MTUS1: variants seen among roughly 807,000 people sequenced by gnomAD.
The protein encoded by MTUS1 is microtubule associated scaffold protein 1.
MTUS1 carries 109 observed loss-of-function variants against 120.8 expected under a neutral mutation model. The ratio of observed to expected loss-of-function variants is 0.90; its 90% CI spans 0.77 to 1.06. MTUS1 has a LOEUF of 1.06. MTUS1 is among the 50% of genes least tolerant of loss of function. The probability of loss-of-function intolerance (pLI) is 0.00; values close to 1 mark genes in which losing one functional copy is unlikely to be tolerated. For missense variants in MTUS1, 2,210 were observed against 1,486.3 expected, an observed-to-expected ratio of 1.49 and a Z score of -8.01; for synonymous variants, 737 against 550.5, an observed-to-expected ratio of 1.34 and a Z score of -4.74.
chr8:17,659,574 G>A (rs1329742719), intron 8 of MTUS1, among the ~76,000 whole-genome samples: 3 of 151,980 alleles, frequency 2.0e-5, no homozygotes, highest in Admixed American at 1.3e-4. Context: ...TGTGCCTGTA[G>A]TCCCAGCTAC....
In MTUS1 at chr8:17,707,185, G is replaced by T. The variant is rs568109536; in HGVS notation, c.2623+6029C>A. Among the ~76,000 whole-genome samples the T allele has an allele frequency of 1.4e-4, 22 of 152,270 alleles. No homozygotes were observed. In the South Asian group the frequency reaches 4.6e-3, roughly 32 times the overall value. On this transcript the variant is annotated intron_variant, in intron 6 of 14. Transcript: ENST00000693296. ...ATGAAAAAAGTCAAGGTGATTTTCA[G>T]TCACAGAATATCACAGTAGGGAGAA...
intron 8 of MTUS1, among the ~76,000 whole-genome samples, chr8:17,659,697 A>T (rs1809256099): frequency 6.6e-6 from 1 of 152,152 alleles, no homozygotes; most frequent in African/African-American, 2.4e-5. Flanking sequence ...ACTTCATCTC[A>T]AAAACAAAAA....
chr8:17,650,768 C>T (rs1034374436), intron 12 of MTUS1, among the ~76,000 whole-genome samples: 1 of 152,214 alleles, frequency 6.6e-6, no homozygotes, highest in Non-Finnish European at 1.5e-5. Context: ...TGAGAGCACA[C>T]CATCAGTGTG....
chr8:17,654,766 T>C, intron 9 of MTUS1, 100 bp from the exon 10 acceptor site: 1 of 789,042 alleles, frequency 1.3e-6, no homozygotes, highest in Non-Finnish European at 2.2e-6. Context: ...GCTTCACAGG[T>C]AAGCGTGGGC....
At chr8:17,687,913 C>G (rs967701730) in intron 6 of MTUS1, among the ~76,000 whole-genome samples, 4 of 152,168 alleles carry the variant, frequency 2.6e-5, no homozygotes, top group African/African-American at 9.6e-5. Flanking sequence ...TTCTCAGGCT[C>G]AAATCACTTA....
intron 1 of MTUS1, among the ~76,000 whole-genome samples, chr8:17,779,579 ACTCT>A (rs1042347299): frequency 4.0e-5 from 6 of 151,714 alleles, no homozygotes; most frequent in Middle Eastern, 3.2e-3. Flanking sequence ...ACACTCACTC[ACTCT>A]CTCTCTCACC....
At chr8:17,799,973 C>G (rs185405727) in intron 1 of MTUS1, among the ~76,000 whole-genome samples, 2 of 152,168 alleles carry the variant, frequency 1.3e-5, no homozygotes, top group Admixed American at 1.3e-4. Flanking sequence ...ACTTTCTACA[C>G]TGTAAAGCAC....
intron 2 of MTUS1, among the ~76,000 whole-genome samples, chr8:17,745,886 G>A (rs573229182): frequency 2.7e-4 from 41 of 152,280 alleles, no homozygotes; most frequent in African/African-American, 9.1e-4. Context: ...GCTGGAGGAG[G>A]GACCTGGTGG....
intron 1 of MTUS1, among the ~76,000 whole-genome samples, chr8:17,779,598 A>T: frequency 6.6e-6 from 1 of 152,174 alleles, no homozygotes; most frequent in Admixed American, 6.5e-5. Flanking sequence ...CTCACCAAAA[A>T]TTGGAAAAAA....
At chr8:17,669,816 G>A (rs1811643459) in intron 8 of MTUS1, among the ~76,000 whole-genome samples, 1 of 151,860 alleles carries the variant, frequency 6.6e-6, no homozygotes, top group African/African-American at 2.4e-5. Flanking sequence ...CTGCACTCCA[G>A]CATGGGTGAC....
chr8:17,699,399 G>A (rs953211582), intron 6 of MTUS1, among the ~76,000 whole-genome samples: 1 of 152,054 alleles, frequency 6.6e-6, no homozygotes, highest in Non-Finnish European at 1.5e-5. Flanking sequence ...ATTTTTAGTA[G>A]AGATGAGTTT....
intron 6 of MTUS1, among the ~76,000 whole-genome samples, chr8:17,686,274 C>T (rs187683559): frequency 2.0e-5 from 3 of 152,086 alleles, no homozygotes; most frequent in African/African-American, 7.2e-5. Flanking sequence ...TTTTGGAAAG[C>T]GGATTAGGTG....
At position 17,707,756 on chromosome 8, in the gene MTUS1, T is replaced by C. The variant is rs555259716; in HGVS notation, c.2623+5458A>G. Among the ~76,000 whole-genome samples, 3 of 152,290 alleles carry C rather than the reference T, an allele frequency of 2.0e-5. No homozygotes were observed. The East Asian group carries it at 5.8e-4, about 29-fold the overall frequency. On this transcript the variant is annotated intron_variant, in intron 6 of 14. Coordinates refer to ENST00000693296, the MANE Select transcript of MTUS1 (RefSeq NM_001363059.2). Reference sequence around the variant, plus strand: ...TTTCAAAACTTACTAATCAAGACAGTGTAGCACTGGCAAAGGTAACATATA... The same window carrying C: ...TTTCAAAACTTACTAATCAAGACAGCGTAGCACTGGCAAAGGTAACATATA...
Position 17,754,978 on chromosome 8 carries a change from T to C in MTUS1, c.830A>G (p.Asp277Gly), listed in dbSNP as rs1563331120. 6.2e-7 allele frequency: 1 copy of C among 1,614,132 alleles called. No individual in the cohort carries two copies. Among genetic ancestry groups the C allele is most frequent in the Admixed American group, 1.7e-5 (1 of 60,028 alleles). The change falls in exon 2 of 15, where the codon GAT (aspartate) becomes GGT (glycine). Residue 277 changes from aspartate (D) to glycine (G), a missense_variant. Transcript: ENST00000693296. Reference protein sequence around the residue: ...SSGKVTSEYTDGSQQRLVGEK... With the variant: ...SSGKVTSEYTGGSQQRLVGEK... ...TCCAACTAGTCTTTGTTGTGATCCA[T>C]CTGTGTACTCACTGGTGACCTTTCC...
At position 17,755,431 on chromosome 8, in the gene MTUS1, G is replaced by T. The variant is rs765663422; in HGVS notation, c.377C>A (p.Ala126Glu). 1 of 1,614,056 alleles carries T rather than the reference G, an allele frequency of 6.2e-7. No individual in the cohort carries two copies. The highest frequency in any genetic ancestry group is 8.5e-7 in the Non-Finnish European group (1 of 1,180,040). The change falls in exon 2 of 15, where the codon GCA becomes GAA. Residue 126 changes from alanine (A) to glutamate (E), a missense_variant. By Grantham distance (107) the Ala-to-Glu change is moderately radical. Coordinates refer to ENST00000693296, the MANE Select transcript of MTUS1 (RefSeq NM_001363059.2). Reference sequence around the variant, plus strand: ...TGGCTCAACACTCTGGCCCTCAACTGCTTCTAGGGAATGACAACTGTGTTG... The same window carrying T: ...TGGCTCAACACTCTGGCCCTCAACTTCTTCTAGGGAATGACAACTGTGTTG... ...YLQHSCHSLEAVEGQSVEPSL... is the reference protein window; with the variant it reads ...YLQHSCHSLEEVEGQSVEPSL...
chr8:17,676,096 G>A (rs1813044159), intron 7 of MTUS1: 2 of 576,302 alleles, frequency 3.5e-6, no homozygotes, highest in African/African-American at 1.9e-5. Context: ...ATGCCCTCAC[G>A]AGGATCACCC....
chr8:17,688,823 T>G (rs1268142859), intron 6 of MTUS1, among the ~76,000 whole-genome samples: 1 of 152,230 alleles, frequency 6.6e-6, no homozygotes, highest in Non-Finnish European at 1.5e-5. Context: ...TTTTTCTATT[T>G]ACATATAATA....
At chr8:17,713,393 C>G (rs1383798910) in intron 5 of MTUS1, 141 bp from the exon 6 acceptor site, 1 of 598,472 alleles carries the variant, frequency 1.7e-6, no homozygotes, top group East Asian at 3.0e-5. Context: ...CACCGAGATT[C>G]AACCAACTTT....
intron 3 of MTUS1, among the ~76,000 whole-genome samples, chr8:17,732,386 C>T (rs1477390296): frequency 6.6e-6 from 1 of 152,200 alleles, no homozygotes; most frequent in Non-Finnish European, 1.5e-5. Flanking sequence ...CTCCTTTCTT[C>T]TTGAAAGGCT....
Sources: allele counts gnomAD v4.1 joint callset (sites outside exome capture counted in the v4.1 genomes callset), GRCh38; gene constraint gnomAD v4.1.1; transcripts MANE v1.5; gene names NCBI Gene and HGNC (gene_info 2026-07-23, HGNC 2026-07-21).